LRBA: variants seen among roughly 807,000 people sequenced by gnomAD.
LRBA encodes the protein LPS responsive beige-like anchor protein.
In LRBA, 176 loss-of-function variants were observed where a neutral mutation model predicts 330.0. The observed-to-expected ratio is 0.53, with a 90% CI of 0.47 to 0.60. LRBA has a LOEUF of 0.60. Among genes scored for constraint, LRBA ranks in the 20% least tolerant of loss-of-function variants. LRBA has a pLI of 0.00. For missense variants in LRBA, 3,259 were observed against 3,444.8 expected, an observed-to-expected ratio of 0.95 and a Z score of 1.35; for synonymous variants, 1,230 against 1,193.0, an observed-to-expected ratio of 1.03 and a Z score of -0.64.
At chr4:150,658,999 G>A (rs1327607675) in intron 37 of LRBA, among the ~76,000 whole-genome samples, 20 of 103,698 alleles carry the variant, frequency 1.9e-4, no homozygotes, top group Non-Finnish European at 3.8e-4. Flanking sequence ...GATTGCAGAC[G>A]GAGTCTCGTT....
At chr4:150,782,723 C>T (rs920748941) in intron 34 of LRBA, among the ~76,000 whole-genome samples, 1 of 152,164 alleles carries the variant, frequency 6.6e-6, no homozygotes, top group Non-Finnish European at 1.5e-5. Flanking sequence ...TCCAAATAAA[C>T]TAACATTCAC....
At chr4:150,373,106 A>T (rs1305227837) in intron 47 of LRBA, among the ~76,000 whole-genome samples, 1 of 148,034 alleles carries the variant, frequency 6.8e-6, no homozygotes, top group Non-Finnish European at 1.5e-5. Flanking sequence ...GCCTCAGCAA[A>T]CAGCTTGACT....
chr4:150,842,219 T>C (rs769219917), intron 28 of LRBA, among the ~76,000 whole-genome samples: 9 of 152,174 alleles, frequency 5.9e-5, no homozygotes, highest in Non-Finnish European at 1.0e-4. Context: ...TGTGAAGAGT[T>C]TGGATTCCAT....
At chr4:150,364,500 C>T (rs1466206766) in intron 47 of LRBA, among the ~76,000 whole-genome samples, 2 of 152,208 alleles carry the variant, frequency 1.3e-5, no homozygotes, top group Non-Finnish European at 2.9e-5. Context: ...ACAACACATC[C>T]TTTTGAACCA....
At chr4:150,806,227 T>G (rs1233142249) in intron 33 of LRBA, 44 bp downstream of exon 33, 5 of 1,392,004 alleles carry the variant, frequency 3.6e-6, no homozygotes, top group Non-Finnish European at 4.8e-6. Context: ...TTTTTAATCC[T>G]GAAATATAAA....
chr4:150,280,695 T>C (rs559061484), intron 55 of LRBA, among the ~76,000 whole-genome samples: 10 of 152,314 alleles, frequency 6.6e-5, no homozygotes, highest in Admixed American at 2.0e-4. Context: ...TGATGACTAA[T>C]TTGTTTCCAT....
chr4:150,567,246 A>G (rs1248224661), intron 40 of LRBA, among the ~76,000 whole-genome samples: 2 of 152,150 alleles, frequency 1.3e-5, no homozygotes, highest in Non-Finnish European at 1.5e-5. Flanking sequence ...CCAGATCTCT[A>G]TATATTATCT....
chr4:150,716,206 T>G (rs1728183957), intron 36 of LRBA, among the ~76,000 whole-genome samples: 1 of 152,120 alleles, frequency 6.6e-6, no homozygotes. Flanking sequence ...CCCAGCACTT[T>G]GGGAGGCCAA....
chr4:150,345,701 A>T lies in LRBA; in HGVS notation c.7362+4291T>A, dbSNP rs535283776. Among the ~76,000 whole-genome samples, 7 of 152,298 alleles carry T rather than the reference A, an allele frequency of 4.6e-5. No homozygotes were observed. In the East Asian group the frequency reaches 1.4e-3, roughly 29 times the overall value. On this transcript the variant is annotated intron_variant, in intron 48 of 56. Transcript: ENST00000651943. Reference sequence around the variant, plus strand: ...AGGGCCATGACTCAAATTCAAATTTATTTATTTGTTTGTTTCTTTGTTCAT... The same window carrying T: ...AGGGCCATGACTCAAATTCAAATTTTTTTATTTGTTTGTTTCTTTGTTCAT...
At chr4:150,644,483 G>A (rs889251165) in intron 37 of LRBA, among the ~76,000 whole-genome samples, 1 of 151,900 alleles carries the variant, frequency 6.6e-6, no homozygotes, top group Non-Finnish European at 1.5e-5. Flanking sequence ...ACTGTATCCA[G>A]AGAAAACAAA....
chr4:150,802,112 T>C (rs1452191477), intron 33 of LRBA, among the ~76,000 whole-genome samples: 3 of 151,110 alleles, frequency 2.0e-5, no homozygotes, highest in Non-Finnish European at 4.4e-5. Context: ...CCCAACTACT[T>C]GAGAGGCTAA....
At chr4:150,706,612 T>A (rs1056508404) in intron 36 of LRBA, among the ~76,000 whole-genome samples, 7 of 150,726 alleles carry the variant, frequency 4.6e-5, no homozygotes, top group Admixed American at 3.3e-4. Flanking sequence ...AAAAAAAAAA[T>A]TTAACTTCTG....
chr4:150,590,390 T>C (rs1384896056), intron 39 of LRBA, among the ~76,000 whole-genome samples: 1 of 151,764 alleles, frequency 6.6e-6, no homozygotes, highest in Non-Finnish European at 1.5e-5. Context: ...CTGGCAGAAT[T>C]TTACTTATAG....
chr4:150,402,783 C>CTA (rs200093689), intron 47 of LRBA, among the ~76,000 whole-genome samples: 62,173 of 151,520 alleles, frequency 0.41, 13,289 homozygotes, highest in South Asian at 0.51. Context: ...AATTATCTAT[C>CTA]TCTCTCTATA....
At chr4:150,481,175 GT>G (rs1221069455) in intron 42 of LRBA, among the ~76,000 whole-genome samples, 8 of 152,178 alleles carry the variant, frequency 5.3e-5, no homozygotes, top group African/African-American at 1.7e-4. Flanking sequence ...AAGATTCCAT[GT>G]TTTTTTATGG....
intron 44 of LRBA, among the ~76,000 whole-genome samples, chr4:150,460,884 T>G (rs1435170347): frequency 6.6e-6 from 1 of 151,890 alleles, no homozygotes; most frequent in Non-Finnish European, 1.5e-5. Context: ...CTCCCAAATC[T>G]TCAGCTTATT....
chr4:150,690,487 G>A (rs1050236759), intron 36 of LRBA, among the ~76,000 whole-genome samples: 15 of 130,990 alleles, frequency 1.1e-4, no homozygotes, highest in Admixed American at 5.9e-4. Flanking sequence ...TGGCAATAGA[G>A]CAAGACTCCA....
In LRBA at chr4:150,472,734, C is replaced by T. The variant is rs999810723; in HGVS notation, c.6552-995G>A. On this transcript the variant is annotated intron_variant, in intron 42 of 56. Coordinates refer to ENST00000651943, the MANE Select transcript of LRBA (RefSeq NM_001364905.1). ...TCTAGACATTTCAGATCAATGGAAT[C>T]ATACATTAGTATGTAGTCTTTTGTG... Among the ~76,000 whole-genome samples, 5 of 152,210 alleles carry T rather than the reference C, an allele frequency of 3.3e-5. No homozygotes were observed. The South Asian group carries it at 6.2e-4, about 19-fold the overall frequency.
intron 40 of LRBA, among the ~76,000 whole-genome samples, chr4:150,530,237 CAA>C (rs2152197774): frequency 6.6e-6 from 1 of 150,804 alleles, no homozygotes; most frequent in East Asian, 2.0e-4. Flanking sequence ...TAAGAAGATA[CAA>C]AAGTGCTAAG....
Sources: gnomAD v4.1 joint callset for allele counts (sites outside exome capture counted in the v4.1 genomes callset) on GRCh38, gnomAD v4.1.1 for gene constraint, MANE v1.5 for transcripts, NCBI Gene and HGNC (gene_info 2026-07-23, HGNC 2026-07-21) for gene names.